The following CHID1 variants were observed in gnomAD, a reference collection of about 807,000 sequenced individuals.
The protein encoded by CHID1 is chitinase domain containing 1.
A neutral mutation model predicts 55.4 loss-of-function variants in CHID1; 44 were observed. The observed-to-expected ratio is 0.79, with a 90% CI of 0.62 to 1.02. The LOEUF (loss-of-function observed/expected upper bound fraction) is 1.02, where lower values mean the gene tolerates loss of function less well. Among genes scored for constraint, CHID1 ranks in the 50% least tolerant of loss-of-function variants. The pLI is 0.00. For missense variants in CHID1, 491 were observed against 515.3 expected, an observed-to-expected ratio of 0.95 and a Z score of 0.46; for synonymous variants, 216 against 212.9, an observed-to-expected ratio of 1.01 and a Z score of -0.13.
chr11:897,442 G>A (rs915577902), intron 7 of CHID1, among the ~76,000 whole-genome samples: 27 of 152,202 alleles, frequency 1.8e-4, no homozygotes, highest in Admixed American at 6.5e-5. Flanking sequence ...GGCGGGCTCT[G>A]TCTCCTGCTG....
Position 900,043 on chromosome 11 carries a change from C to T in CHID1, c.507G>A (p.Glu169=). 5 of 1,614,132 alleles carry T rather than the reference C, an allele frequency of 3.1e-6. No individual in the cohort carries two copies. The highest frequency in any genetic ancestry group is 4.2e-6 in the Non-Finnish European group (5 of 1,179,998). Residue 169 remains glutamate (E), a synonymous_variant, in exon 6 of 13, where the codon GAG becomes GAA. Transcript: ENST00000323578. ...DFRNVLDSED[E]IEELSKTVVQ... ...CCACGGTCTTGCTCAGCTCCTCTAT[C>T]TCATCCTCACTGTCTAAGACGTTCC...
chr11:914,805 C>A, upstream of CHID1: 1 of 340,250 alleles, frequency 2.9e-6, no homozygotes, highest in Non-Finnish European at 5.8e-6. Context: ...TGTGTCTTCC[C>A]CAGGCTGGCC....
chr11:890,222 G>A (rs1475607352), intron 8 of CHID1, among the ~76,000 whole-genome samples: 2 of 152,212 alleles, frequency 1.3e-5, no homozygotes, highest in Non-Finnish European at 1.5e-5. Context: ...GGGTGCCTAC[G>A]GTCCCCCACA....
At chr11:911,545 C>T (rs953835981), upstream of CHID1, 3 of 152,196 alleles carry the variant, frequency 2.0e-5, no homozygotes, top group African/African-American at 7.2e-5. Context: ...ACGGCCGGGC[C>T]CCACCCTGCC....
intron 9 of CHID1, among the ~76,000 whole-genome samples, chr11:883,631 T>C (rs890424553): frequency 1.3e-5 from 2 of 152,194 alleles, no homozygotes. Flanking sequence ...CAGGCACTCA[T>C]GTGCGGCCCC....
chr11:900,067 C>G lies in CHID1; in HGVS notation c.483G>C (p.Arg161=), dbSNP rs1028280183. The change falls in exon 6 of 13, where the codon CGG becomes CGC. Residue 161 remains arginine, a synonymous_variant. Coordinates refer to ENST00000323578, the MANE Select transcript of CHID1 (RefSeq NM_023947.4). ...LFEDWTYDDF[R]NVLDSEDEIE... is the part of the protein sequence containing the mutation. The stretch of plus-strand genomic sequence containing the variant: ...TCTCATCCTCACTGTCTAAGACGTT[C>G]CGGAAATCATCGTAAGTCCAGTCCT... 4 of 1,614,070 alleles carry G rather than the reference C, an allele frequency of 2.5e-6. No individual in the cohort carries two copies. Among genetic ancestry groups the G allele is most frequent in the Non-Finnish European group, 2.5e-6 (3 of 1,180,014 alleles).
rs1042900372 is a variant in CHID1, at chr11:870,594, G to A, written c.960-95C>T. 8.0e-4 allele frequency: 674 copies of A among 847,610 alleles called. 4 individuals carry two copies. The highest frequency in any genetic ancestry group is 4.2e-4 in the Non-Finnish European group (215 of 515,674). 52.5% of individuals were successfully genotyped at this position (847,610 alleles called of 1,614,324 possible). A position where few individuals can be genotyped will look rare whatever the true frequency, so the allele number is the denominator to read the frequency against. On this transcript the variant is annotated intron_variant, in intron 10 of 12. Coordinates refer to ENST00000323578, the MANE Select transcript of CHID1 (RefSeq NM_023947.4). ...GGCTGTGGCTCTCAGCAGGGGCAGG[G>A]CCACTCGGGGCAGCCACTGTCCCCA...
chr11:903,137 G>C, intron 2 of CHID1, 26 bp from the exon 3 acceptor site: 1 of 1,601,432 alleles, frequency 6.2e-7, no homozygotes, highest in East Asian at 2.2e-5. Context: ...TGAGAGAAAA[G>C]CCTCAGTCAT....
At chr11:894,173 C>G (rs1009095413) in intron 7 of CHID1, among the ~76,000 whole-genome samples, 1 of 151,508 alleles carries the variant, frequency 6.6e-6, no homozygotes, top group Admixed American at 6.6e-5. Flanking sequence ...TAAGAAAAGG[C>G]CCCCAGCAGG....
intron 8 of CHID1, among the ~76,000 whole-genome samples, chr11:886,323 G>A (rs1207035820): frequency 6.6e-6 from 1 of 152,014 alleles, no homozygotes; most frequent in African/African-American, 2.4e-5. Flanking sequence ...GCCGGGTGTG[G>A]TGGTATGTGC....
chr11:875,376 C>T lies in CHID1; in HGVS notation c.960-4877G>A, dbSNP rs891697132. ...GTTCACCGTCTCCCGCTCGGGGAGG[C>T]GGGCGTGGCTGGGCCCGCAGGTAAT... On this transcript the variant is annotated intron_variant, in intron 10 of 12. Coordinates refer to ENST00000323578, the MANE Select transcript of CHID1 (RefSeq NM_023947.4). This position sits in a 1 kb window ranked among gnomAD's most constrained non-coding sequence, Gnocchi z 4.7. 9.2e-5 allele frequency among the ~76,000 whole-genome samples: 14 copies of T among 152,342 alleles called. No individual in the cohort carries two copies. In the South Asian group the frequency reaches 1.2e-3, roughly 14 times the overall value.
chr11:906,028 T>C (rs1852186137), intron 1 of CHID1, among the ~76,000 whole-genome samples: 1 of 152,198 alleles, frequency 6.6e-6, no homozygotes, highest in Non-Finnish European at 1.5e-5. Context: ...GTAAAAAATG[T>C]CCCGGCTGGG....
chr11:910,254 C>G (rs1348430827), intron 1 of CHID1, among the ~76,000 whole-genome samples: 1 of 152,084 alleles, frequency 6.6e-6, no homozygotes, highest in Non-Finnish European at 1.5e-5. Flanking sequence ...GCGTCTGATG[C>G]GCCCACCCTT....
At chr11:912,116 G>A (rs915477658), upstream of CHID1, among the ~76,000 whole-genome samples, 1 of 152,108 alleles carries the variant, frequency 6.6e-6, no homozygotes. Context: ...GAGGTCAGGC[G>A]TTCGACACCA....
Position 869,701 on chromosome 11 carries a change from A to C in CHID1, c.*157T>G. ...GACTCATCCAGGGCAGGGACCCCTC[A>C]TGGGAGGATGGGGAGTCACATGGTG... On this transcript the variant is annotated 3_prime_UTR_variant, in exon 13 of 13. Coordinates refer to ENST00000323578, the MANE Select transcript of CHID1 (RefSeq NM_023947.4). 1.5e-6 allele frequency: 1 copy of C among 675,424 alleles called. No individual in the cohort carries two copies. Among genetic ancestry groups the C allele is most frequent in the Non-Finnish European group, 2.6e-6 (1 of 383,852 alleles). The allele number at this position is 675,424 out of a possible 1,614,324, so 41.8% of individuals were successfully genotyped here.
intron 10 of CHID1, among the ~76,000 whole-genome samples, chr11:877,757 TG>T (rs1849611332): frequency 6.6e-6 from 1 of 151,442 alleles, no homozygotes; most frequent in Admixed American, 6.6e-5. Context: ...GGCGGCACTG[TG>T]GGGAGGCGGG....
intron 10 of CHID1, among the ~76,000 whole-genome samples, chr11:877,255 C>T (rs1348748045): frequency 6.6e-6 from 1 of 152,276 alleles, no homozygotes; most frequent in East Asian, 1.9e-4. Context: ...TGCAACTGCC[C>T]ACGGGAAGCT....
intron 3 of CHID1, among the ~76,000 whole-genome samples, 178 bp downstream of exon 3, chr11:902,784 T>C (rs1851916291): frequency 6.6e-6 from 1 of 152,112 alleles, no homozygotes; most frequent in African/African-American, 2.4e-5. Context: ...CCCCAGGGTC[T>C]TACACTCTGA....
In CHID1 at chr11:869,555, G is replaced by T. The variant is rs1017412957; in HGVS notation, c.*303C>A. The stretch of plus-strand genomic sequence containing the variant: ...AGGATGTGAGAAGCAGCCCAGAAAG[G>T]CCTGAGCCAGGCTGTCCTGGTGGGG... On this transcript the variant is annotated 3_prime_UTR_variant, in exon 13 of 13. Coordinates refer to ENST00000323578, the MANE Select transcript of CHID1 (RefSeq NM_023947.4). 2.0e-6 allele frequency: 1 copy of T among 500,986 alleles called. No homozygotes were observed. The highest frequency in any genetic ancestry group is 3.6e-6 in the Non-Finnish European group (1 of 278,054). 31.0% of individuals were successfully genotyped at this position (500,986 alleles called of 1,614,324 possible).
Sources: gnomAD v4.1 joint callset for allele counts (sites outside exome capture counted in the v4.1 genomes callset) on GRCh38, gnomAD v4.1.1 for gene constraint, Gnocchi (gnomAD v3.1) non-coding constraint, MANE v1.5 for transcripts, NCBI Gene and HGNC (gene_info 2026-07-23, HGNC 2026-07-21) for gene names.